ANK3: variants seen among roughly 807,000 people sequenced by gnomAD.
ANK3 encodes the protein ankyrin 3.
A neutral mutation model predicts 370.9 loss-of-function variants in ANK3; 57 were observed. The observed-to-expected ratio is 0.15, with a 90% CI of 0.12 to 0.19. The LOEUF is 0.19. Among genes scored for constraint, ANK3 ranks in the 10% least tolerant of loss-of-function variants. The probability of loss-of-function intolerance (pLI) is 1.00; values close to 1 mark genes in which losing one functional copy is unlikely to be tolerated. For synonymous variants in ANK3, 1,929 were observed against 1,946.3 expected, an observed-to-expected ratio of 0.99 and a Z score of 0.23; for missense variants, 4,439 against 5,302.1, an observed-to-expected ratio of 0.84 and a Z score of 5.06.
chr10:60,405,804 A>T (rs994395321), intron 2 of ANK3, among the ~76,000 whole-genome samples: 4 of 152,220 alleles, frequency 2.6e-5, no homozygotes, highest in Non-Finnish European at 5.9e-5. Context: ...TAGGTAATAA[A>T]ACAAATACAG....
In ANK3 at chr10:60,070,141, A is replaced by G. The variant is rs746755136; in HGVS notation, c.10740T>C (p.Pro3580=). 6.2e-7 allele frequency: 1 copy of G among 1,614,150 alleles called. No individual in the cohort carries two copies. The highest frequency in any genetic ancestry group is 2.2e-5 in the East Asian group (1 of 44,878). ...TTGGCGTTCTGGCTGGCGTTGTATC[A>G]GGGGTTGTTGCTGGAGAGCGGTCTT... is the stretch of plus-strand genomic sequence containing the variant. ...AVEDRSPATT[P]DTTPARTPTD... Residue 3580 remains proline, a synonymous_variant, in exon 37 of 44, where the codon CCT becomes CCC. Coordinates refer to ENST00000280772, the MANE Select transcript of ANK3 (RefSeq NM_020987.5). This position sits in a 1 kb window ranked among gnomAD's most constrained non-coding sequence, Gnocchi z 5.7.
In ANK3 at chr10:60,584,897, C is replaced by A. The variant is rs545642756; in HGVS notation, c.96+30289G>T. 2.4e-4 allele frequency among the ~76,000 whole-genome samples: 36 copies of A among 152,222 alleles called. 1 individual carries two copies. The South Asian group carries it at 6.8e-3, about 29-fold the overall frequency. Reference sequence around the variant, plus strand: ...AAAGGGCTGATGAGGCCAAGGTCACCAAGGCCCAGTGGGACTGGTAGATGT... The same window carrying A: ...AAAGGGCTGATGAGGCCAAGGTCACAAAGGCCCAGTGGGACTGGTAGATGT... On this transcript the variant is annotated intron_variant, in intron 2 of 43. Coordinates refer to the ANK3 transcript ENST00000373827.
chr10:60,133,052 G>C lies in ANK3; in HGVS notation c.2841+1219C>G, dbSNP rs577605126. On this transcript the variant is annotated intron_variant, in intron 25 of 43. Coordinates refer to ENST00000280772, the MANE Select transcript of ANK3 (RefSeq NM_020987.5). ...AATATATATTGTAGGTTCCTATGAA[G>C]TACAACACACATATGTAGGTCTAGA... is the stretch of plus-strand genomic sequence containing the variant. Among the ~76,000 whole-genome samples, 795 of 152,280 alleles carry C rather than the reference G, an allele frequency of 5.2e-3. 7 individuals are homozygous for C. Among genetic ancestry groups the C allele is most frequent in the Non-Finnish European group, 6.6e-3 (451 of 68,024 alleles).
chr10:60,623,855 C>G (rs964689885), intron 1 of ANK3, among the ~76,000 whole-genome samples: 1 of 152,286 alleles, frequency 6.6e-6, no homozygotes. Flanking sequence ...AGAGTCTATG[C>G]AAACAATGTG....
At chr10:60,553,965 A>C (rs927731823) in intron 2 of ANK3, among the ~76,000 whole-genome samples, 2 of 152,192 alleles carry the variant, frequency 1.3e-5, no homozygotes, top group African/African-American at 2.4e-5. Flanking sequence ...AATAAATATT[A>C]GTTTCAATAT....
chr10:60,306,710 C>A (rs952197619), intron 1 of ANK3, among the ~76,000 whole-genome samples: 3 of 152,052 alleles, frequency 2.0e-5, no homozygotes, highest in African/African-American at 4.8e-5. Flanking sequence ...AAGTGTTGAA[C>A]CTCATCATTT....
intron 36 of ANK3, among the ~76,000 whole-genome samples, chr10:60,079,042 G>A (rs1236384881): frequency 6.6e-6 from 1 of 152,136 alleles, no homozygotes; most frequent in Non-Finnish European, 1.5e-5. Flanking sequence ...CATTGAGCCT[G>A]TCCAAAGCTT....
At chr10:60,544,456 C>T (rs1421744619) in intron 2 of ANK3, among the ~76,000 whole-genome samples, 1 of 152,030 alleles carries the variant, frequency 6.6e-6, no homozygotes, top group Non-Finnish European at 1.5e-5. Flanking sequence ...TCTTCAGTAC[C>T]TCATTTGAAA....
At chr10:60,635,355 A>G (rs886951292) in intron 1 of ANK3, among the ~76,000 whole-genome samples, 4 of 152,196 alleles carry the variant, frequency 2.6e-5, no homozygotes, top group Admixed American at 6.5e-5. Context: ...CCAGCCCGGC[A>G]TGAATCTTAT....
chr10:60,605,394 C>T (rs1210115238), intron 2 of ANK3, among the ~76,000 whole-genome samples: 1 of 151,850 alleles, frequency 6.6e-6, no homozygotes, highest in South Asian at 2.1e-4. Context: ...GAGTTTGAGA[C>T]CGGCCTAGGC....
intron 1 of ANK3, among the ~76,000 whole-genome samples, chr10:60,680,596 T>C (rs2079182546): frequency 6.6e-6 from 1 of 152,226 alleles, no homozygotes; most frequent in South Asian, 2.1e-4. Flanking sequence ...TCAATTACTA[T>C]GTACAGGTAA....
chr10:60,039,688 A>T (rs1056078612), intron 43 of ANK3, among the ~76,000 whole-genome samples: 2 of 152,136 alleles, frequency 1.3e-5, no homozygotes, highest in Non-Finnish European at 2.9e-5. Context: ...AAGTTTTCTG[A>T]ACCTCAGTTT....
intron 1 of ANK3, among the ~76,000 whole-genome samples, chr10:60,360,322 A>C (rs1025868771): frequency 1.3e-5 from 2 of 152,218 alleles, no homozygotes; most frequent in Non-Finnish European, 2.9e-5. Flanking sequence ...CTCAGCTAAA[A>C]GGTCAAGAAA....
intron 2 of ANK3, among the ~76,000 whole-genome samples, chr10:60,531,071 T>C (rs559088485): frequency 6.6e-6 from 1 of 152,248 alleles, no homozygotes; most frequent in African/African-American, 2.4e-5. Flanking sequence ...GAAATCGATC[T>C]CTTCAGGAGT....
rs185379250 is a variant in ANK3 at position 60,171,934 on chromosome 10, G to A, written c.2478+374C>T. Among the ~76,000 whole-genome samples, 166 of 152,214 alleles carry A rather than the reference G, an allele frequency of 1.1e-3. 2 individuals are homozygous for A. The highest frequency in any genetic ancestry group is 3.6e-3 in the African/African-American group (150 of 41,532). On this transcript the variant is annotated intron_variant, in intron 21 of 43. Transcript: ENST00000280772. ...CATTTGTGCATTAAAACATTTTTAA[G>A]GAACCAACTTAGAGTTTTCAATTTT... is the stretch of plus-strand genomic sequence containing the variant.
At chr10:60,348,436 G>A (rs551239920) in intron 1 of ANK3, among the ~76,000 whole-genome samples, 2 of 151,012 alleles carry the variant, frequency 1.3e-5, no homozygotes, top group South Asian at 2.1e-4. Context: ...AAAACCTCCC[G>A]GAGACAGCAG....
At chr10:60,641,472 C>T (rs1327910791) in intron 1 of ANK3, among the ~76,000 whole-genome samples, 22 of 151,082 alleles carry the variant, frequency 1.5e-4, no homozygotes, top group Admixed American at 4.0e-4. Flanking sequence ...TCAGAAATAA[C>T]GCCGCATATC....
At chr10:60,039,181 A>G (rs900367724) in intron 43 of ANK3, among the ~76,000 whole-genome samples, 1 of 152,244 alleles carries the variant, frequency 6.6e-6, no homozygotes, top group African/African-American at 2.4e-5. Flanking sequence ...TTCTTTGAAG[A>G]AATAAATGAA....
At chr10:60,259,770 A>G (rs2132634828) in intron 7 of ANK3, among the ~76,000 whole-genome samples, 1 of 152,350 alleles carries the variant, frequency 6.6e-6, no homozygotes, top group East Asian at 1.9e-4. Flanking sequence ...TGAATGTCCT[A>G]ATTAGAAGAT....
Sources: allele counts gnomAD v4.1 joint callset (sites outside exome capture counted in the v4.1 genomes callset), GRCh38; gene constraint gnomAD v4.1.1; non-coding constraint Gnocchi (gnomAD v3.1); transcripts MANE v1.5; gene names NCBI Gene and HGNC (gene_info 2026-07-23, HGNC 2026-07-21).